MICAL3: variants seen among roughly 807,000 people sequenced by gnomAD.
MICAL3 encodes [F-actin]-monooxygenase MICAL3.
MICAL3 carries 62 observed loss-of-function variants against 207.4 expected under a neutral mutation model. The observed-to-expected ratio is 0.30, with a 90% CI of 0.24 to 0.37. The LOEUF (loss-of-function observed/expected upper bound fraction) is 0.37, where lower values mean the gene tolerates loss of function less well. Ranked by LOEUF, MICAL3 falls within the 10% of genes least tolerant of loss-of-function variation. The pLI is 1.00. For missense variants in MICAL3, 2,368 were observed against 2,635.6 expected (o/e 0.90, Z 2.22); for synonymous variants, 1,077 against 1,069.3 (o/e 1.01, Z -0.14).
At chr22:17,916,372 G>T (rs1932517832) in intron 1 of MICAL3, among the ~76,000 whole-genome samples, 1 of 152,042 alleles carries the variant, frequency 6.6e-6, no homozygotes, top group Non-Finnish European at 1.5e-5. Flanking sequence ...CCACTGAACT[G>T]TCTTCAGCAA....
chr22:17,993,605 A>G (rs1921939021), intron 1 of MICAL3, among the ~76,000 whole-genome samples: 1 of 152,082 alleles, frequency 6.6e-6, no homozygotes, highest in South Asian at 2.1e-4. Flanking sequence ...CACAGCCCCC[A>G]GGTTCCTGAA....
chr22:17,877,927 A>C (rs1018724221), intron 16 of MICAL3, among the ~76,000 whole-genome samples: 1 of 151,690 alleles, frequency 6.6e-6, no homozygotes, highest in African/African-American at 2.4e-5. Flanking sequence ...ATCTTGGCTC[A>C]CTGCAAGCTC....
intron 1 of MICAL3, among the ~76,000 whole-genome samples, chr22:17,929,374 A>G (rs1475461550): frequency 6.6e-6 from 1 of 150,670 alleles, no homozygotes; most frequent in Non-Finnish European, 1.5e-5. Flanking sequence ...AAGTGCTAGG[A>G]TTAAGAGGCA....
At position 17,791,226 on chromosome 22, in the gene MICAL3, C is replaced by G; in HGVS notation, c.5726G>C (p.Arg1909Pro). Residue 1909 changes from arginine to proline, a missense_variant, in exon 30 of 32, where the codon CGC (arginine) becomes CCC (proline). Arg to Pro is a moderately radical substitution (Grantham distance 103, BLOSUM62 -2). Coordinates refer to ENST00000441493, the MANE Select transcript of MICAL3 (RefSeq NM_015241.3). ...KLVQEKNAMV[R>P]YESELMIFAR... ...CAAGATCATCAGCTCCGACTCGTAG[C>G]GCACCATGGCGTTCTTCTCCTGCAC... 1 of 1,613,850 alleles carries G rather than the reference C, an allele frequency of 6.2e-7. No homozygotes were observed. Among genetic ancestry groups the G allele is most frequent in the African/African-American group, 1.3e-5 (1 of 75,056 alleles).
At chr22:17,834,397 G>GGA in intron 20 of MICAL3, 3 of 1,280,928 alleles carry the variant, frequency 2.3e-6, no homozygotes, top group Non-Finnish European at 3.0e-6. Context: ...GACACTGTAG[G>GGA]GAACACAAAG....
At chr22:17,864,801 A>G in intron 19 of MICAL3, 98 bp downstream of exon 19, 1 of 1,613,936 alleles carries the variant, frequency 6.2e-7, no homozygotes, top group Middle Eastern at 1.6e-4. Flanking sequence ...GCCCGAATGA[A>G]GAAATGTTGC....
intron 19 of MICAL3, chr22:17,864,180 C>T (rs963794611): frequency 1.2e-5 from 12 of 990,462 alleles, no homozygotes; most frequent in Non-Finnish European, 1.4e-5. Context: ...TCCTGTCATG[C>T]TATGACAAGA....
chr22:17,816,641 GAACA>G, intron 27 of MICAL3, 45 bp downstream of exon 27: 1 of 1,425,520 alleles, frequency 7.0e-7, no homozygotes, highest in Non-Finnish European at 9.7e-7. Context: ...GCCCAACAAT[GAACA>G]GACAGGGCCC....
intron 1 of MICAL3, among the ~76,000 whole-genome samples, chr22:17,984,033 T>C (rs1439701538): frequency 6.6e-6 from 1 of 152,198 alleles, no homozygotes; most frequent in Non-Finnish European, 1.5e-5. Flanking sequence ...CTCAAACTTT[T>C]CTGAAATTAT....
rs574884329 is a variant in MICAL3 at position 17,903,118 on chromosome 22, C to T, written c.473-371G>A. On this transcript the variant is annotated intron_variant, in intron 3 of 31. Transcript: ENST00000441493. ...ATCCTGCTAGGAGGCAGATGTGCAC[C>T]CACAGGGTGCAGCCCACGGTCAGAT... is the stretch of plus-strand genomic sequence containing the variant. Among the ~76,000 whole-genome samples the T allele has an allele frequency of 3.9e-5, 6 of 152,352 alleles. No homozygotes were observed. In the South Asian group the frequency reaches 1.2e-3, roughly 32 times the overall value.
intron 17 of MICAL3, among the ~76,000 whole-genome samples, chr22:17,866,866 T>C (rs956854312): frequency 1.1e-4 from 16 of 152,354 alleles, no homozygotes; most frequent in African/African-American, 3.4e-4. Flanking sequence ...GCAGTCATTT[T>C]TTTCTGACTC....
rs887941518 is a variant in MICAL3, at chr22:17,798,729, A to G, written c.5651-7428T>C. 1.0e-4 allele frequency among the ~76,000 whole-genome samples: 14 copies of G among 139,430 alleles called. No homozygotes were observed. The East Asian group carries it at 1.1e-3, about 11-fold the overall frequency. 91.5% of individuals were successfully genotyped at this position (139,430 alleles called of 152,430 possible). A position where few individuals can be genotyped will look rare whatever the true frequency, so the allele number is the denominator to read the frequency against. ...CCCTCTGTCACCCAGGCTGGAGTGC[A>G]GTGGCGCGATCTCGGCTCACTGCAA... On this transcript the variant is annotated intron_variant, in intron 29 of 31. Coordinates refer to ENST00000441493, the MANE Select transcript of MICAL3 (RefSeq NM_015241.3).
At chr22:17,799,999 G>A (rs1359180739) in intron 29 of MICAL3, among the ~76,000 whole-genome samples, 2 of 147,670 alleles carry the variant, frequency 1.4e-5, no homozygotes, top group Non-Finnish European at 2.9e-5. Flanking sequence ...GGGAAACCTC[G>A]CAGGTTCCAA....
intron 21 of MICAL3, among the ~76,000 whole-genome samples, chr22:17,829,689 T>C (rs1365625124): frequency 2.0e-5 from 3 of 152,226 alleles, no homozygotes; most frequent in Admixed American, 6.5e-5. Flanking sequence ...CAAGCCAGCA[T>C]TTCCTCCTTT....
chr22:17,854,390 A>G (rs1424766609), intron 19 of MICAL3, among the ~76,000 whole-genome samples: 1 of 152,096 alleles, frequency 6.6e-6, no homozygotes, highest in Non-Finnish European at 1.5e-5. Context: ...CTAATCTCTT[A>G]CCAAACAGGC....
At chr22:18,003,096 C>A (rs891923754) in intron 1 of MICAL3, among the ~76,000 whole-genome samples, 1 of 149,986 alleles carries the variant, frequency 6.7e-6, no homozygotes, top group Admixed American at 6.7e-5. Flanking sequence ...GGAGGCGGAG[C>A]TTTCAGTGAG....
In MICAL3 at chr22:17,896,966, C is replaced by G. The variant is rs1375063637; in HGVS notation, c.964G>C (p.Glu322Gln). The change falls in exon 8 of 32, where the codon GAG becomes CAG. Residue 322 changes from glutamate to glutamine, a missense_variant. By Grantham distance (29) the Glu-to-Gln change is conservative (BLOSUM62 2). This residue lies in a region of MICAL3 where 400 missense variants were observed against 547.0 expected (regional missense o/e 0.73). Coordinates refer to ENST00000441493, the MANE Select transcript of MICAL3 (RefSeq NM_015241.3). ...ACGTTTTCTCGGGAAAGCAGGAGCTCTGTGTCGGCGTAGTCCTGTCTCCAG... is the reference window on the plus strand; with the variant it reads ...ACGTTTTCTCGGGAAAGCAGGAGCTGTGTGTCGGCGTAGTCCTGTCTCCAG... The part of the protein sequence containing the change: ...GVILHDYADT[E>Q]LLLSRENVDQ... 2 of 1,613,264 alleles carry G rather than the reference C, an allele frequency of 1.2e-6. No homozygotes were observed. The highest frequency in any genetic ancestry group is 1.1e-5 in the South Asian group (1 of 91,044).
intron 19 of MICAL3, 47 bp from the exon 20 acceptor site, chr22:17,842,064 G>A (rs776777241): frequency 1.3e-5 from 20 of 1,545,196 alleles, no homozygotes; most frequent in Middle Eastern, 3.5e-4. Context: ...AACCACAGAC[G>A]GGGCGTGGGG....
At chr22:17,879,298 G>A (rs148715098) in intron 16 of MICAL3, 43 of 1,535,420 alleles carry the variant, frequency 2.8e-5, no homozygotes, top group South Asian at 1.8e-4. Flanking sequence ...AGCGTGCCCC[G>A]TGTGCTTGGC....
Sources: allele counts gnomAD v4.1 joint callset (sites outside exome capture counted in the v4.1 genomes callset), GRCh38; gene constraint gnomAD v4.1.1; regional missense constraint gnomAD v4.1.1; transcripts MANE v1.5; gene names NCBI Gene and HGNC (gene_info 2026-07-23, HGNC 2026-07-21).